Variants in ANKS1B observed in about 807,000 individuals in gnomAD.
ANKS1B encodes ankyrin repeat and sterile alpha motif domain containing 1B.
A neutral mutation model predicts 148.3 loss-of-function variants in ANKS1B; 36 were observed. The ratio of observed to expected loss-of-function variants is 0.24; its 90% confidence interval spans 0.19 to 0.32. The LOEUF is 0.32. Ranked by LOEUF, ANKS1B falls within the 10% of genes least tolerant of loss-of-function variation. ANKS1B has a pLI of 1.00. For synonymous variants in ANKS1B, 542 were observed against 560.8 expected, an observed-to-expected ratio of 0.97 and a Z score of 0.47; for missense variants, 1,157 against 1,542.6, an observed-to-expected ratio of 0.75 and a Z score of 4.19.
At chr12:99,698,969 TGTGG>T (rs984026074) in intron 8 of ANKS1B, among the ~76,000 whole-genome samples, 70 of 142,152 alleles carry the variant, frequency 4.9e-4, no homozygotes, top group African/African-American at 1.5e-3. Context: ...TGTGTGTGTG[TGTGG>T]GTGTGCACGC....
chr12:99,741,206 AACACACACACACACACACAC>A (rs774613671), intron 8 of ANKS1B, among the ~76,000 whole-genome samples: 1 of 135,338 alleles, frequency 7.4e-6, no homozygotes, highest in African/African-American at 2.8e-5. Flanking sequence ...GGCTCCGTCA[AACACACACACACACACACAC>A]ACACACACAC....
At chr12:99,740,728 G>A (rs1352182146) in intron 8 of ANKS1B, among the ~76,000 whole-genome samples, 1 of 152,156 alleles carries the variant, frequency 6.6e-6, no homozygotes, top group African/African-American at 2.4e-5. Flanking sequence ...TGGTTAGACA[G>A]AGGGTGCAGC....
chr12:99,167,912 CAA>C (rs2077345834), intron 14 of ANKS1B, among the ~76,000 whole-genome samples: 1 of 152,140 alleles, frequency 6.6e-6, no homozygotes, highest in South Asian at 2.1e-4. Flanking sequence ...GGATGCATGT[CAA>C]AATCATTTTG....
At chr12:99,936,797 A>C (rs1286084506) in intron 1 of ANKS1B, among the ~76,000 whole-genome samples, 1 of 152,152 alleles carries the variant, frequency 6.6e-6, no homozygotes, top group African/African-American at 2.4e-5. Context: ...GCATAAATTC[A>C]CACTAGAAAA....
chr12:99,753,305 C>A (rs1420521643), intron 8 of ANKS1B, among the ~76,000 whole-genome samples: 1 of 152,002 alleles, frequency 6.6e-6, no homozygotes, highest in Non-Finnish European at 1.5e-5. Context: ...ACACACCATG[C>A]AAGAAATGCC....
chr12:99,436,118 A>C (rs905360973), intron 11 of ANKS1B, among the ~76,000 whole-genome samples: 15 of 151,910 alleles, frequency 9.9e-5, no homozygotes, highest in African/African-American at 3.1e-4. Flanking sequence ...TCTTTCCTTC[A>C]GACTACATAC....
chr12:99,347,168 G>A (rs2090810378), intron 12 of ANKS1B, among the ~76,000 whole-genome samples: 1 of 151,958 alleles, frequency 6.6e-6, no homozygotes, highest in African/African-American at 2.4e-5. Flanking sequence ...CACAAACATG[G>A]CTGCACAGAC....
intron 1 of ANKS1B, among the ~76,000 whole-genome samples, chr12:99,966,292 G>C (rs2095483336): frequency 6.6e-6 from 1 of 152,064 alleles, no homozygotes; most frequent in African/African-American, 2.4e-5. Context: ...AAGTATTCTG[G>C]GGTGATTAGG....
chr12:99,272,920 C>T (rs1214757817), intron 12 of ANKS1B, among the ~76,000 whole-genome samples: 1 of 152,310 alleles, frequency 6.6e-6, no homozygotes, highest in East Asian at 1.9e-4. Context: ...AGTGCTATTA[C>T]TGACCCTACC....
At chr12:99,787,915 C>G (rs2065178007) in intron 4 of ANKS1B, among the ~76,000 whole-genome samples, 1 of 152,192 alleles carries the variant, frequency 6.6e-6, no homozygotes, top group East Asian at 1.9e-4. Flanking sequence ...AGTGCCCACA[C>G]ATTGAGGGGA....
At chr12:99,150,605 A>G (rs747010998) in intron 15 of ANKS1B, among the ~76,000 whole-genome samples, 4 of 152,124 alleles carry the variant, frequency 2.6e-5, no homozygotes, top group Non-Finnish European at 4.4e-5. Flanking sequence ...TGGGACTTAA[A>G]ATTTAGGAAG....
intron 8 of ANKS1B, among the ~76,000 whole-genome samples, chr12:99,682,081 A>G (rs568982392): frequency 6.6e-6 from 1 of 152,274 alleles, no homozygotes; most frequent in Admixed American, 6.5e-5. Flanking sequence ...AATCCAAAAT[A>G]TATATGCAGA....
intron 10 of ANKS1B, among the ~76,000 whole-genome samples, chr12:99,476,883 G>T (rs574951994): frequency 4.9e-4 from 74 of 152,204 alleles, no homozygotes; most frequent in Admixed American, 1.8e-3. Flanking sequence ...GCTTGACTGG[G>T]AGAAATTGAC....
intron 12 of ANKS1B, among the ~76,000 whole-genome samples, chr12:99,365,171 C>T (rs1213905236): frequency 6.6e-6 from 1 of 152,110 alleles, no homozygotes; most frequent in African/African-American, 2.4e-5. Context: ...GTTGAGGATA[C>T]CTCCTGCAGC....
intron 17 of ANKS1B, among the ~76,000 whole-genome samples, chr12:99,034,771 T>C (rs1364466773): frequency 6.6e-6 from 1 of 152,234 alleles, no homozygotes; most frequent in Non-Finnish European, 1.5e-5. Context: ...CATTCATTCA[T>C]ATGTTAATCA....
At chr12:99,205,538 A>C (rs1357271142) in intron 14 of ANKS1B, among the ~76,000 whole-genome samples, 1 of 152,194 alleles carries the variant, frequency 6.6e-6, no homozygotes, top group Non-Finnish European at 1.5e-5. Context: ...AACGCAGGAG[A>C]GATGTTACTG....
intron 8 of ANKS1B, among the ~76,000 whole-genome samples, chr12:99,662,054 T>TG (rs1239384311): frequency 6.6e-6 from 1 of 152,192 alleles, no homozygotes; most frequent in East Asian, 1.9e-4. Flanking sequence ...CTACCAGCCT[T>TG]GGACTGCCTA....
At chr12:99,415,669 A>G (rs2094875020) in intron 11 of ANKS1B, among the ~76,000 whole-genome samples, 1 of 152,080 alleles carries the variant, frequency 6.6e-6, no homozygotes, top group Admixed American at 6.5e-5. Flanking sequence ...CAATTCCATC[A>G]CCACGAGGAT....
At chr12:98,929,247 A>G (rs2099811691) in intron 17 of ANKS1B, among the ~76,000 whole-genome samples, 1 of 152,108 alleles carries the variant, frequency 6.6e-6, no homozygotes, top group Non-Finnish European at 1.5e-5. Flanking sequence ...TTCACACTGA[A>G]AACTAAAATA....
Sources: allele counts gnomAD v4.1 joint callset (sites outside exome capture counted in the v4.1 genomes callset), GRCh38; gene constraint gnomAD v4.1.1; transcripts MANE v1.5; gene names NCBI Gene and HGNC (gene_info 2026-07-23, HGNC 2026-07-21).